Variants in PDXDC1 observed in about 807,000 individuals in gnomAD.
PDXDC1 encodes the protein pyridoxal-dependent decarboxylase domain-containing protein 1.
A neutral mutation model predicts 100.1 loss-of-function variants in PDXDC1; 42 were observed. The ratio of observed to expected loss-of-function variants is 0.42; its 90% confidence interval spans 0.33 to 0.54. The LOEUF is 0.54. Ranked by LOEUF, PDXDC1 falls within the 20% of genes least tolerant of loss-of-function variation. The pLI is 0.10. For synonymous variants in PDXDC1, 260 were observed against 371.7 expected (o/e 0.70, Z 3.46); for missense variants, 636 against 979.2 (o/e 0.65, Z 4.68).
intron 16 of PDXDC1, among the ~76,000 whole-genome samples, chr16:15,111,778 A>AT (rs2151874429): frequency 6.7e-6 from 1 of 148,324 alleles, no homozygotes; most frequent in African/African-American, 2.4e-5. Context: ...AAAAAAAAAA[A>AT]ATGACATGAA....
chr16:14,989,958 G>A, intron 1 of PDXDC1: 9 of 1,458,822 alleles, frequency 6.2e-6, no homozygotes, highest in Middle Eastern at 4.8e-4. Context: ...GCGGGTGGCC[G>A]CCTCCAGGCA....
chr16:15,131,216 G>A (rs931040725), intron 16 of PDXDC1: 50 of 1,589,962 alleles, frequency 3.1e-5, no homozygotes, highest in Middle Eastern at 2.3e-4. Flanking sequence ...CGGTGGCCCC[G>A]GGCAGCCCAG....
At chr16:15,094,312 G>A (rs1010535903) in intron 16 of PDXDC1, 1 of 1,269,680 alleles carries the variant, frequency 7.9e-7, no homozygotes, top group Non-Finnish European at 1.1e-6. Flanking sequence ...CCCGGAAGTT[G>A]CGCGTGCCAG....
At chr16:15,041,162 T>C (rs1487551997), downstream of PDXDC1, 2 of 1,209,964 alleles carry the variant, frequency 1.7e-6, no homozygotes, top group East Asian at 2.3e-5. Flanking sequence ...TTTAAAGAAA[T>C]ACCAAATGAT....
Position 15,034,079 on chromosome 16 carries a change from G to A in PDXDC1, c.1813-207G>A, listed in dbSNP as rs1281197580. The stretch of plus-strand genomic sequence containing the variant: ...CTGTTTTCAAGAATACGTAGCAAAT[G>A]AGGCTGGTCACCAAGGTGTGTCTGC... On this transcript the variant is annotated intron_variant, in intron 19 of 22. Coordinates refer to ENST00000396410, the MANE Select transcript of PDXDC1 (RefSeq NM_015027.4). 2.9e-5 allele frequency: 17 copies of A among 592,622 alleles called. 1 individual carries two copies. The South Asian group carries it at 3.1e-4, about 11-fold the overall frequency. 36.7% of individuals were successfully genotyped at this position (592,622 alleles called of 1,614,324 possible).
At chr16:15,035,975 CCTCA>C (rs756203501) in intron 22 of PDXDC1, 37 bp from the exon 23 acceptor site, 74 of 1,570,878 alleles carry the variant, frequency 4.7e-5, no homozygotes, top group Admixed American at 4.5e-4. Context: ...GCAGAAGTAT[CCTCA>C]CTGAGTTTCA....
intron 16 of PDXDC1, chr16:15,129,735 A>G: frequency 3.3e-6 from 2 of 610,996 alleles, no homozygotes; most frequent in East Asian, 2.7e-5. Flanking sequence ...TCACGAGGTC[A>G]TTCCCAGGAT....
intron 16 of PDXDC1, chr16:15,065,389 A>C: frequency 2.5e-6 from 4 of 1,610,302 alleles, no homozygotes; most frequent in Non-Finnish European, 3.4e-6. Flanking sequence ...ACAAAAAAAC[A>C]ACACAGACAG....
chr16:15,146,916 CTG>C, the PDXDC1 span, among the ~76,000 whole-genome samples: 165 of 152,194 alleles, frequency 1.1e-3, 1 homozygote, highest in South Asian at 0.016. Context: ...GGTGAGGAAA[CTG>C]AGGCTGAGAG....
At chr16:15,147,979 C>T in the PDXDC1 span, among the ~76,000 whole-genome samples, 1 of 151,972 alleles carries the variant, frequency 6.6e-6, no homozygotes, top group Non-Finnish European at 1.5e-5. Context: ...ACCACCGCGC[C>T]CACCCTGTTT....
chr16:15,027,677 C>T (rs139862033), intron 14 of PDXDC1, among the ~76,000 whole-genome samples: 245 of 152,340 alleles, frequency 1.6e-3, no homozygotes, highest in Admixed American at 3.4e-3. Flanking sequence ...GGTTGATGGC[C>T]TGCTGGCTTG....
intron 14 of PDXDC1, among the ~76,000 whole-genome samples, chr16:15,028,191 C>T (rs1429250230): frequency 9.2e-5 from 14 of 152,284 alleles, no homozygotes; most frequent in African/African-American, 2.7e-4. Context: ...GTCTTCTCCG[C>T]GCTCCAGAAC....
chr16:14,975,033 C>G lies in PDXDC1; in HGVS notation c.-167C>G. ...GGGGCCCCGCCCCGCCGCCTCTCAACCATCAGGTTCGGCAGCCCGCGGCGC... is the reference window on the plus strand; with the variant it reads ...GGGGCCCCGCCCCGCCGCCTCTCAAGCATCAGGTTCGGCAGCCCGCGGCGC... On this transcript the variant is annotated 5_prime_UTR_variant, in exon 1 of 23. Coordinates refer to ENST00000396410, the MANE Select transcript of PDXDC1 (RefSeq NM_015027.4). 2.0e-6 allele frequency: 3 copies of G among 1,528,684 alleles called. No homozygotes were observed. In the South Asian group the frequency reaches 3.6e-5, roughly 18 times the overall value. 94.7% of individuals were successfully genotyped at this position (1,528,684 alleles called of 1,614,324 possible).
the PDXDC1 span, among the ~76,000 whole-genome samples, chr16:15,150,366 T>G: frequency 6.8e-6 from 1 of 146,964 alleles, no homozygotes; most frequent in Non-Finnish European, 1.5e-5. Flanking sequence ...AATAAATAAA[T>G]AAATAAATAA....
chr16:15,149,014 G>A, the PDXDC1 span, among the ~76,000 whole-genome samples: 1 of 152,238 alleles, frequency 6.6e-6, no homozygotes, highest in African/African-American at 2.4e-5. Context: ...GAGTGCGGGA[G>A]CCACGTAAGA....
intron 16 of PDXDC1, chr16:15,127,781 G>T (rs199553292): frequency 6.4e-6 from 10 of 1,554,462 alleles, no homozygotes; most frequent in Non-Finnish European, 7.0e-6. Context: ...CTCTGGATGC[G>T]AGTGAAACAG....
Position 15,037,721 on chromosome 16 carries a change from A to G in PDXDC1, c.*1446A>G. 4.2e-6 allele frequency: 1 copy of G among 236,724 alleles called. No homozygotes were observed. The highest frequency in any genetic ancestry group is 8.0e-6 in the Non-Finnish European group (1 of 124,562). The allele number at this position is 236,724 out of a possible 1,614,324, so 14.7% of individuals were successfully genotyped here. A position where few individuals can be genotyped will look rare whatever the true frequency, so the allele number is the denominator to read the frequency against. On this transcript the variant is annotated 3_prime_UTR_variant, in exon 23 of 23. Coordinates refer to ENST00000396410, the MANE Select transcript of PDXDC1 (RefSeq NM_015027.4). ...TTCAGTTTATAAATCTTATTACAAAAGACTTACCCACGTACCTGAAATAGC... is the reference window on the plus strand; with the variant it reads ...TTCAGTTTATAAATCTTATTACAAAGGACTTACCCACGTACCTGAAATAGC...
chr16:15,033,318 C>A lies in PDXDC1; in HGVS notation c.1731C>A (p.Gly577=). ...YKSMKSCLYV[G]MASDNVDAAE... is the part of the protein sequence containing the mutation. ...GCATGAAGAGCTGCCTTTATGTCGG[C>A]ATGGCGAGCGACAACGTCGATGCTG... The change falls in exon 19 of 23, where the codon GGC becomes GGA. Residue 577 remains glycine (G), a synonymous_variant. Coordinates refer to ENST00000396410, the MANE Select transcript of PDXDC1 (RefSeq NM_015027.4). 3.1e-6 allele frequency: 5 copies of A among 1,614,156 alleles called. 1 individual carries two copies. Among genetic ancestry groups the A allele is most frequent in the Non-Finnish European group, 4.2e-6 (5 of 1,179,988 alleles).
chr16:14,990,279 C>T lies in PDXDC1; in HGVS notation c.22-7474C>T, dbSNP rs555504527. 1.4e-4 allele frequency: 37 copies of T among 264,376 alleles called. No homozygotes were observed. The East Asian group carries it at 4.8e-3, about 35-fold the overall frequency. The allele number at this position is 264,376 out of a possible 1,614,324, so 16.4% of individuals were successfully genotyped here. On this transcript the variant is annotated intron_variant, in intron 1 of 22. Transcript: ENST00000396410. ...AGACCGCGGCGCCCACCCCGGCCCC[C>T]GCCGCAACCGCCGCAGCAGCCGCCA...
Sources: gnomAD v4.1 joint callset for allele counts (sites outside exome capture counted in the v4.1 genomes callset) on GRCh38, gnomAD v4.1.1 for gene constraint, MANE v1.5 for transcripts, NCBI Gene and HGNC (gene_info 2026-07-23, HGNC 2026-07-21) for gene names.